Variants in LCMT1 observed in about 807,000 individuals in gnomAD.
LCMT1 encodes leucine carboxyl methyltransferase 1.
In LCMT1, 32 loss-of-function variants were observed where a neutral mutation model predicts 47.7. That is an observed-to-expected ratio of 0.67 (90% CI 0.51 to 0.90). The LOEUF (loss-of-function observed/expected upper bound fraction) is 0.90, where lower values mean the gene tolerates loss of function less well. Among genes scored for constraint, LCMT1 ranks in the 40% least tolerant of loss-of-function variants. The probability of loss-of-function intolerance (pLI) is 0.00; values close to 1 mark genes in which losing one functional copy is unlikely to be tolerated. For synonymous variants in LCMT1, 152 were observed against 149.7 expected (o/e 1.02, Z -0.11); for missense variants, 375 against 415.2 (o/e 0.90, Z 0.84).
chr16:25,159,716 A>G (rs1416630185), intron 5 of LCMT1, among the ~76,000 whole-genome samples: 1 of 152,056 alleles, frequency 6.6e-6, no homozygotes, highest in East Asian at 1.9e-4. Flanking sequence ...ATGTATTTGA[A>G]TCAGCCAAGT....
intron 2 of LCMT1, chr16:25,132,143 C>G: frequency 2.0e-6 from 1 of 497,806 alleles, no homozygotes; most frequent in Non-Finnish European, 3.8e-6. Flanking sequence ...ATTTTTCATA[C>G]ATAAAACTAT....
intron 9 of LCMT1, 94 bp downstream of exon 9, chr16:25,170,899 TG>T (rs1419723331): frequency 2.4e-6 from 2 of 824,816 alleles, no homozygotes; most frequent in African/African-American, 3.5e-5. Flanking sequence ...CAGAACAATA[TG>T]TGGAGATTTC....
chr16:25,166,282 A>AG (rs1049550612), intron 7 of LCMT1, among the ~76,000 whole-genome samples: 6 of 151,846 alleles, frequency 4.0e-5, no homozygotes, highest in Admixed American at 2.6e-4. Context: ...AAAAAAAAAA[A>AG]AAAGAAAGAA....
At chr16:25,172,922 C>G (rs997002477) in intron 9 of LCMT1, among the ~76,000 whole-genome samples, 8 of 152,244 alleles carry the variant, frequency 5.3e-5, no homozygotes, top group Non-Finnish European at 1.5e-5. Context: ...GCATCAACCA[C>G]AAGGAAAGTC....
chr16:25,138,288 G>A (rs1216109833), intron 3 of LCMT1, among the ~76,000 whole-genome samples: 3 of 152,194 alleles, frequency 2.0e-5, no homozygotes, highest in Non-Finnish European at 4.4e-5. Flanking sequence ...ACAGCAGCGT[G>A]CAGCTTTGAG....
intron 4 of LCMT1, chr16:25,141,385 A>C (rs1159374476): frequency 1.3e-5 from 2 of 152,258 alleles, no homozygotes; most frequent in Admixed American, 6.5e-5. Context: ...TCACTCTGTC[A>C]TCCAGGTAGG....
At chr16:25,125,444 A>G (rs1042782870) in intron 1 of LCMT1, among the ~76,000 whole-genome samples, 3 of 152,212 alleles carry the variant, frequency 2.0e-5, no homozygotes, top group African/African-American at 7.2e-5. Flanking sequence ...TATACTTGTC[A>G]TCGCAGTGCC....
intron 1 of LCMT1, among the ~76,000 whole-genome samples, chr16:25,114,605 CACCA>C (rs1452697403): frequency 2.0e-5 from 3 of 152,112 alleles, no homozygotes; most frequent in African/African-American, 7.2e-5. Context: ...CCAACCATCC[CACCA>C]ACCCCTCACT....
Position 25,121,499 on chromosome 16 carries a change from C to G in LCMT1, c.114-6976C>G, listed in dbSNP as rs73563409. Among the ~76,000 whole-genome samples the G allele has an allele frequency of 8.8e-3, 1,331 of 152,100 alleles. 25 individuals are homozygous for G. Among genetic ancestry groups the G allele is most frequent in the African/African-American group, 0.031 (1,276 of 41,504 alleles). On this transcript the variant is annotated intron_variant, in intron 1 of 10. Coordinates refer to ENST00000399069, the MANE Select transcript of LCMT1 (RefSeq NM_016309.3). ...CACAGAAGAGTGAGTTCTTTTTTCT[C>G]CCCTTAATGGCTGTATTAGTTTGTT...
At chr16:25,174,635 G>A (rs1435204128) in intron 9 of LCMT1, 1 of 182,038 alleles carries the variant, frequency 5.5e-6, no homozygotes, top group Non-Finnish European at 1.1e-5. Flanking sequence ...TCCTCCAGTT[G>A]CCACTAGTTT....
chr16:25,122,337 ACT>A (rs1960016890), intron 1 of LCMT1, among the ~76,000 whole-genome samples: 2 of 151,882 alleles, frequency 1.3e-5, no homozygotes, highest in African/African-American at 4.8e-5. Flanking sequence ...AGACAGTCTC[ACT>A]CTGTCGCCCA....
At chr16:25,150,864 A>G (rs1345406495) in intron 4 of LCMT1, among the ~76,000 whole-genome samples, 1 of 151,938 alleles carries the variant, frequency 6.6e-6, no homozygotes, top group Non-Finnish European at 1.5e-5. Context: ...GATATATTTA[A>G]TTTTATATTA....
chr16:25,164,229 T>C (rs1342560066), intron 6 of LCMT1, among the ~76,000 whole-genome samples: 1 of 152,166 alleles, frequency 6.6e-6, no homozygotes, highest in Non-Finnish European at 1.5e-5. Flanking sequence ...AAAAGTTTCA[T>C]GACCAGCCTA....
intron 8 of LCMT1, 193 bp downstream of exon 8, chr16:25,169,406 T>C: frequency 2.0e-6 from 1 of 512,642 alleles, no homozygotes. Context: ...TCACATTTCC[T>C]ACACCCTATT....
At chr16:25,158,158 TTTTTTTGAGACAGAG>T (rs1169434030) in intron 5 of LCMT1, among the ~76,000 whole-genome samples, 1 of 152,354 alleles carries the variant, frequency 6.6e-6, no homozygotes, top group South Asian at 2.1e-4. Context: ...TGCTTTTTTC[TTTTTTTGAGACAGAG>T]TCTTGCTCTG....
At chr16:25,144,738 G>A (rs1960798530) in intron 4 of LCMT1, 1 of 152,128 alleles carries the variant, frequency 6.6e-6, no homozygotes, top group African/African-American at 2.4e-5. Context: ...TCACTAAACA[G>A]CAGGGCAGTG....
At chr16:25,128,587 C>T in intron 2 of LCMT1, 21 bp downstream of exon 2, 1 of 1,536,970 alleles carries the variant, frequency 6.5e-7, no homozygotes, top group South Asian at 1.2e-5. Context: ...ATCTCCCTCC[C>T]CAACAGCACC....
chr16:25,117,058 C>G (rs891844), intron 1 of LCMT1, among the ~76,000 whole-genome samples: 1 of 152,044 alleles, frequency 6.6e-6, no homozygotes, highest in Non-Finnish European at 1.5e-5. Flanking sequence ...GGCAGTGAAT[C>G]GTGGAAGGTC....
chr16:25,138,883 A>G (rs1464946022), intron 3 of LCMT1, among the ~76,000 whole-genome samples: 2 of 151,784 alleles, frequency 1.3e-5, no homozygotes, highest in East Asian at 1.9e-4. Context: ...GTATTGCCTC[A>G]TTAATCTTCA....
Sources: allele counts gnomAD v4.1 joint callset (sites outside exome capture counted in the v4.1 genomes callset), GRCh38; gene constraint gnomAD v4.1.1; transcripts MANE v1.5; gene names NCBI Gene and HGNC (gene_info 2026-07-23, HGNC 2026-07-21).